OCA2: variants seen among roughly 807,000 people sequenced by gnomAD.
OCA2 encodes OCA2 melanosomal transmembrane protein.
Under a neutral mutation model 100.2 loss-of-function variants are expected in OCA2, and 77 were observed. That is an observed-to-expected ratio of 0.77 (90% CI 0.64 to 0.93). OCA2 has a LOEUF of 0.93. OCA2 is among the 40% of genes least tolerant of loss of function. The pLI, the probability that OCA2 is intolerant of heterozygous loss-of-function variation, is 0.00. For missense variants in OCA2, 1,062 were observed against 1,089.1 expected, an observed-to-expected ratio of 0.98 and a Z score of 0.35; for synonymous variants, 432 against 439.2, an observed-to-expected ratio of 0.98 and a Z score of 0.21.
intron 23 of OCA2, among the ~76,000 whole-genome samples, chr15:27,770,022 T>C (rs998865677): frequency 6.6e-6 from 1 of 152,202 alleles, no homozygotes; most frequent in Non-Finnish European, 1.5e-5. Flanking sequence ...TAACTCCTTT[T>C]ATGAGGAAAG....
At chr15:27,973,572 T>C (rs2040872822) in intron 14 of OCA2, among the ~76,000 whole-genome samples, 1 of 152,212 alleles carries the variant, frequency 6.6e-6, no homozygotes, top group African/African-American at 2.4e-5. Flanking sequence ...CATGCTGTTT[T>C]GGTTACTATA....
In OCA2 at chr15:27,913,865, A is replaced by AAGAAAG. The variant is rs1567097872; in HGVS notation, c.2079+12256_2079+12261dup. 4.5e-4 allele frequency among the ~76,000 whole-genome samples: 23 copies of AAGAAAG among 51,206 alleles called. 3 individuals are homozygous for AAGAAAG. The highest frequency in any genetic ancestry group is 2.2e-3 in the African/African-American group (23 of 10,496). 33.6% of individuals were successfully genotyped at this position (51,206 alleles called of 152,430 possible). On this transcript the variant is annotated intron_variant, in intron 19 of 23. Coordinates refer to ENST00000354638, the MANE Select transcript of OCA2 (RefSeq NM_000275.3). ...AAAGAAAGAAAGAAAGAAAGAAAGAAAGAAAGAAAGAAAGAAAGAAAGAAA... is the reference window on the plus strand; with the variant it reads ...AAAGAAAGAAAGAAAGAAAGAAAGAAAGAAAGAGAAAGAAAGAAAGAAAGAAAGAAA...
Position 28,017,401 on chromosome 15 carries a change from C to T in OCA2, c.807+996G>A, listed in dbSNP as rs548196407. On this transcript the variant is annotated intron_variant, in intron 7 of 23. Transcript: ENST00000354638. Reference sequence around the variant, plus strand: ...TAATATGCAAGTGCTGGGGAGGCAGCGGGACCGCAGGCTGTGTAAGGTCCT... The same window carrying T: ...TAATATGCAAGTGCTGGGGAGGCAGTGGGACCGCAGGCTGTGTAAGGTCCT... Among the ~76,000 whole-genome samples, 12 of 152,268 alleles carry T rather than the reference C, an allele frequency of 7.9e-5. No individual in the cohort carries two copies. In the South Asian group the frequency reaches 1.2e-3, roughly 16 times the overall value.
intron 23 of OCA2, among the ~76,000 whole-genome samples, chr15:27,838,987 C>T (rs1326226621): frequency 6.6e-6 from 1 of 151,968 alleles, no homozygotes; most frequent in African/African-American, 2.4e-5. Flanking sequence ...AAGCATAGAA[C>T]AATGGGGGGT....
At chr15:27,868,422 T>A (rs370189798) in intron 21 of OCA2, among the ~76,000 whole-genome samples, 4 of 152,248 alleles carry the variant, frequency 2.6e-5, no homozygotes, top group African/African-American at 9.6e-5. Context: ...TGTGACAACA[T>A]GGATGAACGC....
intron 2 of OCA2, among the ~76,000 whole-genome samples, chr15:28,068,867 A>G (rs1303942179): frequency 6.6e-6 from 1 of 152,234 alleles, no homozygotes; most frequent in Non-Finnish European, 1.5e-5. Context: ...TAGATGCAGA[A>G]AAAGCTTTAG....
At chr15:28,066,833 C>T (rs920860562) in intron 2 of OCA2, among the ~76,000 whole-genome samples, 1 of 152,126 alleles carries the variant, frequency 6.6e-6, no homozygotes, top group Non-Finnish European at 1.5e-5. Flanking sequence ...GAACTTTGGT[C>T]GCCACAACCT....
chr15:27,807,130 C>A (rs1371996612), intron 23 of OCA2, among the ~76,000 whole-genome samples: 1 of 152,230 alleles, frequency 6.6e-6, no homozygotes, highest in Non-Finnish European at 1.5e-5. Context: ...TACCCATCCA[C>A]GGGCAGCCTG....
chr15:27,965,113 G>A (rs1318148497), intron 15 of OCA2, among the ~76,000 whole-genome samples: 3 of 152,140 alleles, frequency 2.0e-5, no homozygotes, highest in Non-Finnish European at 2.9e-5. Flanking sequence ...GATCACCAGG[G>A]AGGTTGGGAG....
chr15:27,982,073 T>C (rs931877038), intron 14 of OCA2, among the ~76,000 whole-genome samples: 10 of 152,170 alleles, frequency 6.6e-5, no homozygotes, highest in African/African-American at 2.2e-4. Context: ...TATTTTTGTT[T>C]TGTTTGACTA....
At chr15:27,882,365 T>A (rs2037055726) in intron 19 of OCA2, among the ~76,000 whole-genome samples, 1 of 152,236 alleles carries the variant, frequency 6.6e-6, no homozygotes, top group Non-Finnish European at 1.5e-5. Flanking sequence ...TCTTTTTTAT[T>A]TAAGGTGTTG....
rs1382588408 is a variant in OCA2 at position 28,022,562 on chromosome 15, G to A, written c.585C>T (p.Ser195=). 6 of 1,613,336 alleles carry A rather than the reference G, an allele frequency of 3.7e-6. No homozygotes were observed. The highest frequency in any genetic ancestry group is 5.1e-6 in the Non-Finnish European group (6 of 1,179,278). The change falls in exon 6 of 24, where the codon AGC becomes AGT. Residue 195 remains serine (S), a synonymous_variant. Coordinates refer to ENST00000354638, the MANE Select transcript of OCA2 (RefSeq NM_000275.3). ...AFVVLCSILF[S]LYPDQGKLWQ... ...AGAGCTTTCCTTGATCCGGATATAG[G>A]CTGAACAAAATCTGTAACAATCAGA...
downstream of OCA2, among the ~76,000 whole-genome samples, chr15:27,754,300 C>T (rs1039525265): frequency 6.6e-6 from 1 of 152,178 alleles, no homozygotes; most frequent in Non-Finnish European, 1.5e-5. Context: ...CCTGAGGGCA[C>T]CTGTGACAGA....
chr15:28,018,658 G>A (rs530653760), intron 6 of OCA2, 101 bp from the exon 7 acceptor site: 1 of 1,171,938 alleles, frequency 8.5e-7, no homozygotes, highest in African/African-American at 1.5e-5. Context: ...GTGAAGAAAT[G>A]CGTTTCCCCA....
the OCA2 span, among the ~76,000 whole-genome samples, chr15:27,722,478 A>G: frequency 6.6e-6 from 1 of 152,218 alleles, no homozygotes. Context: ...TCAGTGTAGC[A>G]GTGGCCATCT....
chr15:27,964,376 C>T (rs2040497821), intron 15 of OCA2, among the ~76,000 whole-genome samples: 1 of 152,210 alleles, frequency 6.6e-6, no homozygotes, highest in South Asian at 2.1e-4. Context: ...GGGATAGGCT[C>T]TGGTGATTAT....
chr15:28,018,898 G>T (rs376612735), intron 6 of OCA2, among the ~76,000 whole-genome samples: 1 of 152,154 alleles, frequency 6.6e-6, no homozygotes, highest in African/African-American at 2.4e-5. Flanking sequence ...CGTTTCCTGC[G>T]CTTGCTCATG....
At chr15:27,796,714 G>A (rs115617424) in intron 23 of OCA2, among the ~76,000 whole-genome samples, 2,024 of 152,296 alleles carry the variant, frequency 0.013, 38 homozygotes, top group African/African-American at 0.044. Flanking sequence ...TCCCAACTCC[G>A]CCGGGCATTT....
At chr15:27,795,125 C>A (rs1595423135) in intron 23 of OCA2, among the ~76,000 whole-genome samples, 1 of 152,184 alleles carries the variant, frequency 6.6e-6, no homozygotes, top group African/African-American at 2.4e-5. Context: ...GACTCTGTCA[C>A]CTTCCCTTGG....
Sources: gnomAD v4.1 joint callset for allele counts (sites outside exome capture counted in the v4.1 genomes callset) on GRCh38, gnomAD v4.1.1 for gene constraint, MANE v1.5 for transcripts, NCBI Gene and HGNC (gene_info 2026-07-23, HGNC 2026-07-21) for gene names.